DSE: variants seen among roughly 807,000 people sequenced by gnomAD.
The protein encoded by DSE is dermatan sulfate epimerase, also known as dermatan-sulfate epimerase.
DSE carries 36 observed loss-of-function variants against 84.4 expected under a neutral mutation model. The ratio of observed to expected loss-of-function variants is 0.43; its 90% confidence interval spans 0.33 to 0.56. DSE has a LOEUF of 0.56. DSE is among the 20% of genes least tolerant of loss of function. DSE has a pLI of 0.06. For synonymous variants in DSE, 410 were observed against 430.1 expected, an observed-to-expected ratio of 0.95 and a Z score of 0.58; for missense variants, 862 against 1,169.6, an observed-to-expected ratio of 0.74 and a Z score of 3.84.
At chr6:116,327,476 A>T (rs924081001) in intron 2 of DSE, among the ~76,000 whole-genome samples, 2 of 152,142 alleles carry the variant, frequency 1.3e-5, no homozygotes, top group Non-Finnish European at 2.9e-5. Context: ...TCCACCACCT[A>T]TGATGTTGGG....
intron 1 of DSE, among the ~76,000 whole-genome samples, chr6:116,258,247 C>G (rs1198712127): frequency 2.0e-5 from 3 of 152,036 alleles, no homozygotes; most frequent in East Asian, 1.9e-4. Flanking sequence ...AACTCCCAAC[C>G]TCAGGTGATC....
intron 2 of DSE, 142 bp downstream of exon 2, chr6:116,399,808 C>T (rs1386415601): frequency 1.9e-5 from 15 of 793,282 alleles, no homozygotes; most frequent in Non-Finnish European, 2.5e-5. Context: ...TTTGTGTTGC[C>T]AGTCTTATGA....
At chr6:116,301,238 A>G (rs551779486) in intron 2 of DSE, among the ~76,000 whole-genome samples, 1 of 152,184 alleles carries the variant, frequency 6.6e-6, no homozygotes, top group South Asian at 2.1e-4. Flanking sequence ...CAAGTGTACA[A>G]CCTCCCTCGG....
At chr6:116,290,701 T>C (rs1173678545) in intron 2 of DSE, among the ~76,000 whole-genome samples, 1 of 152,210 alleles carries the variant, frequency 6.6e-6, no homozygotes, top group Non-Finnish European at 1.5e-5. Flanking sequence ...AAACTCATCC[T>C]GAGAAGAGAC....
chr6:116,351,450 T>C (rs997387566), intron 2 of DSE, among the ~76,000 whole-genome samples: 4 of 152,200 alleles, frequency 2.6e-5, no homozygotes, highest in African/African-American at 9.6e-5. Flanking sequence ...AGTTGTAACA[T>C]GAACATTTAA....
intron 2 of DSE, among the ~76,000 whole-genome samples, chr6:116,361,953 CTA>C (rs1778921367): frequency 6.6e-6 from 1 of 152,098 alleles, no homozygotes; most frequent in African/African-American, 2.4e-5. Flanking sequence ...TGAAAATTAT[CTA>C]GACTATGTAT....
intron 2 of DSE, among the ~76,000 whole-genome samples, chr6:116,364,726 T>C (rs1779069812): frequency 6.6e-6 from 1 of 152,116 alleles, no homozygotes; most frequent in Non-Finnish European, 1.5e-5. Flanking sequence ...TAAAAACTAA[T>C]CTTCACAATA....
chr6:116,406,952 A>G (rs1781969975), intron 2 of DSE, among the ~76,000 whole-genome samples: 1 of 152,198 alleles, frequency 6.6e-6, no homozygotes, highest in South Asian at 2.1e-4. Context: ...AGAAGCTTAT[A>G]ATATTAGTGT....
At chr6:116,278,741 GGGGTTCAT>G (rs1367006529) in intron 2 of DSE, 2 of 1,614,008 alleles carry the variant, frequency 1.2e-6, no homozygotes, top group Non-Finnish European at 1.7e-6. Flanking sequence ...ATGAAGGACT[GGGGTTCAT>G]GCCCCCTGCG....
Position 116,297,616 on chromosome 6 carries a change from G to A in DSE, c.-54+38649G>A, listed in dbSNP as rs530296422. Among the ~76,000 whole-genome samples the A allele has an allele frequency of 1.9e-4, 29 of 152,320 alleles. No individual in the cohort carries two copies. In the South Asian group the frequency reaches 5.8e-3, roughly 30 times the overall value. ...TGATTTGTTAGACATACTACAAGAA[G>A]ACAAAACTGCATTTCCACTTCAAAT... On this transcript the variant is annotated intron_variant, in intron 2 of 3. Coordinates refer to the DSE transcript ENST00000430252.
At position 116,436,734 on chromosome 6, in the gene DSE, C is replaced by T. The variant is rs1371878373; in HGVS notation, c.2266C>T (p.Leu756=). Residue 756 remains leucine, a synonymous_variant, in exon 6 of 6, where the codon CTG becomes TTG. Transcript: ENST00000644252. ...LQHFKPVFQL[L]EKQILSRVRN... Reference sequence around the variant, plus strand: ...GCATTTTAAACCAGTGTTTCAGCTGCTGGAGAAGCAGATACTGTCCCGAGT... The same window carrying T: ...GCATTTTAAACCAGTGTTTCAGCTGTTGGAGAAGCAGATACTGTCCCGAGT... 6.2e-7 allele frequency: 1 copy of T among 1,614,030 alleles called. No individual in the cohort carries two copies. The highest frequency in any genetic ancestry group is 1.3e-5 in the African/African-American group (1 of 74,912).
intron 2 of DSE, among the ~76,000 whole-genome samples, chr6:116,297,795 G>T (rs1375112396): frequency 6.6e-6 from 1 of 152,198 alleles, no homozygotes; most frequent in East Asian, 1.9e-4. Context: ...CATGTTAGGG[G>T]ATGTCTGCCA....
chr6:116,321,421 G>T (rs1361132395), intron 2 of DSE, among the ~76,000 whole-genome samples: 1 of 113,550 alleles, frequency 8.8e-6, no homozygotes, highest in Admixed American at 1.0e-4. Flanking sequence ...CAGTCCTCTT[G>T]CCTCAGCCTC....
intron 2 of DSE, among the ~76,000 whole-genome samples, chr6:116,409,126 CAGT>C (rs1480735912): frequency 6.6e-6 from 1 of 152,164 alleles, no homozygotes; most frequent in Non-Finnish European, 1.5e-5. Context: ...GTTAATGAAA[CAGT>C]ACATAGCATA....
intron 2 of DSE, among the ~76,000 whole-genome samples, chr6:116,345,668 A>G (rs1777913071): frequency 6.6e-6 from 1 of 152,204 alleles, no homozygotes; most frequent in East Asian, 1.9e-4. Context: ...AGAAAGCAGG[A>G]AAGATCTAAA....
chr6:116,403,267 C>CA (rs1236504956), intron 2 of DSE, among the ~76,000 whole-genome samples: 3 of 151,986 alleles, frequency 2.0e-5, no homozygotes, highest in African/African-American at 7.2e-5. Context: ...GTAAAAGTAA[C>CA]AGAGTAATTT....
At chr6:116,345,531 C>A (rs144749075) in intron 2 of DSE, among the ~76,000 whole-genome samples, 1 of 151,984 alleles carries the variant, frequency 6.6e-6, no homozygotes, top group Admixed American at 6.5e-5. Context: ...GGGTACATAA[C>A]GAAATGAAGG....
intron 1 of DSE, among the ~76,000 whole-genome samples, chr6:116,389,880 T>C (rs1386441490): frequency 6.6e-6 from 1 of 152,052 alleles, no homozygotes; most frequent in Admixed American, 6.6e-5. Context: ...ATAGGTTAAA[T>C]AAATTGTTTT....
chr6:116,430,536 G>C (rs995775906), intron 3 of DSE, among the ~76,000 whole-genome samples: 9 of 152,198 alleles, frequency 5.9e-5, no homozygotes, highest in Middle Eastern at 3.4e-3. Flanking sequence ...TTCATTTATA[G>C]AGTCAATAAC....
Sources: allele counts gnomAD v4.1 joint callset (sites outside exome capture counted in the v4.1 genomes callset), GRCh38; gene constraint gnomAD v4.1.1; transcripts MANE v1.5; gene names NCBI Gene and HGNC (gene_info 2026-07-23, HGNC 2026-07-21).